The following TUNAR variants were observed in gnomAD, a reference collection of about 807,000 sequenced individuals.
TUNAR encodes protein TUNAR.
At chr14:95,900,510 C>G (rs564116390) in intron 2 of TUNAR, among the ~76,000 whole-genome samples, 3 of 152,306 alleles carry the variant, frequency 2.0e-5, no homozygotes, top group Admixed American at 1.3e-4. Context: ...GCTGCTGGCC[C>G]CAGTTGGTGG....
At chr14:95,885,866 G>A (rs1034721354) in intron 2 of TUNAR, among the ~76,000 whole-genome samples, 3 of 152,144 alleles carry the variant, frequency 2.0e-5, no homozygotes, top group African/African-American at 7.2e-5. Flanking sequence ...AATGAGCATG[G>A]TTGTCCCGGG....
intron 2 of TUNAR, among the ~76,000 whole-genome samples, chr14:95,881,769 A>G (rs549636674): frequency 6.6e-6 from 1 of 152,250 alleles, no homozygotes; most frequent in Non-Finnish European, 1.5e-5. Flanking sequence ...AGCATCCACC[A>G]TTCCCAGGAC....
chr14:95,925,570 T>A (rs954000048), exon 3 of TUNAR: 2 of 152,040 alleles, frequency 1.3e-5, no homozygotes, highest in African/African-American at 4.8e-5. Flanking sequence ...TGGAAAAAAA[T>A]ACTCGATGTC....
chr14:95,888,278 G>T (rs1330147883), intron 2 of TUNAR, among the ~76,000 whole-genome samples: 2 of 152,146 alleles, frequency 1.3e-5, no homozygotes, highest in Non-Finnish European at 2.9e-5. Flanking sequence ...CCTTTCCGTG[G>T]ACTCTTTCAC....
intron 2 of TUNAR, among the ~76,000 whole-genome samples, chr14:95,901,289 A>G (rs192856940): frequency 1.3e-5 from 2 of 152,354 alleles, no homozygotes; most frequent in South Asian, 2.1e-4. Context: ...ATCTGGTGAA[A>G]CTAGTAGAGA....
chr14:95,913,142 CT>C lies in TUNAR; in HGVS notation c.13-9624del, dbSNP rs58500125. 6.9e-3 allele frequency among the ~76,000 whole-genome samples: 939 copies of C among 136,234 alleles called. 4 individuals carry two copies. Among genetic ancestry groups the C allele is most frequent in the African/African-American group, 0.013 (458 of 34,828 alleles). 89.4% of individuals were successfully genotyped at this position (136,234 alleles called of 152,430 possible). On this transcript the variant is annotated intron_variant, in intron 2 of 2. Transcript: ENST00000678517. Reference sequence around the variant, plus strand: ...GTCTTTGTCACCATCATTTTCTTTCCTTTTTTTTTTTTTTTAAATTCTACTC... The same window carrying C: ...GTCTTTGTCACCATCATTTTCTTTCCTTTTTTTTTTTTTTAAATTCTACTC...
exon 1 of TUNAR, chr14:95,876,591 G>GGTCGCC (rs1888881916): frequency 6.6e-6 from 1 of 152,628 alleles, no homozygotes; most frequent in Non-Finnish European, 1.5e-5. Context: ...CTGCGGTCGC[G>GGTCGCC]GTCGCCGCTG....
At chr14:95,888,601 G>T (rs965398286) in intron 2 of TUNAR, among the ~76,000 whole-genome samples, 1 of 152,126 alleles carries the variant, frequency 6.6e-6, no homozygotes, top group African/African-American at 2.4e-5. Context: ...ACTCTCCATC[G>T]CTCTGTGGAC....
At chr14:95,896,384 ATGACC>A (rs1595119202) in intron 2 of TUNAR, among the ~76,000 whole-genome samples, 1 of 152,210 alleles carries the variant, frequency 6.6e-6, no homozygotes, top group Non-Finnish European at 1.5e-5. Flanking sequence ...GTGCACAGGC[ATGACC>A]CTGTACCCAC....
intron 2 of TUNAR, among the ~76,000 whole-genome samples, chr14:95,878,790 TGG>T (rs1888929382): frequency 1.3e-5 from 2 of 152,194 alleles, no homozygotes; most frequent in Non-Finnish European, 2.9e-5. Flanking sequence ...ATTGGGGTTG[TGG>T]GATAGGTTAG....
intron 2 of TUNAR, among the ~76,000 whole-genome samples, chr14:95,912,533 T>G (rs1478646517): frequency 6.6e-6 from 1 of 152,206 alleles, no homozygotes; most frequent in Non-Finnish European, 1.5e-5. Context: ...ATTGTTTGGT[T>G]AAAAAAGATA....
Position 95,911,671 on chromosome 14 carries a change from G to A in TUNAR, c.13-11110G>A, listed in dbSNP as rs80244610. ...CAAAATATGGAAATGTTCTCAAGAC[G>A]GAGAAACACTCAGAATTACAGTTGA... On this transcript the variant is annotated intron_variant, in intron 2 of 2. Coordinates refer to ENST00000678517, the Ensembl canonical transcript of TUNAR. 4.8e-3 allele frequency among the ~76,000 whole-genome samples: 729 copies of A among 152,292 alleles called. 5 individuals are homozygous for A. The highest frequency in any genetic ancestry group is 0.017 in the African/African-American group (686 of 41,574).
Position 95,895,474 on chromosome 14 carries a change from G to A in TUNAR, c.12+18297G>A, listed in dbSNP as rs1326286989. ...GTGCATGCATAGGAGGAAAGGGAGCGGAGAGTTGTCAAATGAGGCAAGCCA... is the reference window on the plus strand; with the variant it reads ...GTGCATGCATAGGAGGAAAGGGAGCAGAGAGTTGTCAAATGAGGCAAGCCA... On this transcript the variant is annotated intron_variant, in intron 2 of 2. Coordinates refer to ENST00000678517, the Ensembl canonical transcript of TUNAR. This position sits in a 1 kb window ranked among gnomAD's most constrained non-coding sequence, Gnocchi z 4.5. 2.0e-5 allele frequency among the ~76,000 whole-genome samples: 3 copies of A among 152,082 alleles called. No individual in the cohort carries two copies. Among genetic ancestry groups the A allele is most frequent in the African/African-American group, 7.2e-5 (3 of 41,414 alleles).
At chr14:95,890,047 C>T (rs577896321) in intron 2 of TUNAR, among the ~76,000 whole-genome samples, 1 of 151,854 alleles carries the variant, frequency 6.6e-6, no homozygotes, top group South Asian at 2.1e-4. Flanking sequence ...GTTGCCCAGG[C>T]TGGAAGGCAG....
chr14:95,889,527 T>C (rs979518258), intron 2 of TUNAR, among the ~76,000 whole-genome samples: 2 of 149,408 alleles, frequency 1.3e-5, no homozygotes, highest in African/African-American at 2.5e-5. Flanking sequence ...CTTAGCAGGC[T>C]GCTGTCCTCT....
intron 2 of TUNAR, among the ~76,000 whole-genome samples, chr14:95,888,912 G>C (rs984974594): frequency 6.6e-6 from 1 of 152,182 alleles, no homozygotes; most frequent in South Asian, 2.1e-4. Context: ...AAGGTAGACC[G>C]TTGCAAGGCA....
chr14:95,892,365 T>C (rs1484094714), intron 2 of TUNAR, among the ~76,000 whole-genome samples: 2 of 152,240 alleles, frequency 1.3e-5, no homozygotes, highest in Non-Finnish European at 2.9e-5. Flanking sequence ...TTCGCATCTG[T>C]CTGAGATGCT....
At chr14:95,878,825 A>C (rs536500151) in intron 2 of TUNAR, among the ~76,000 whole-genome samples, 23 of 152,330 alleles carry the variant, frequency 1.5e-4, no homozygotes, top group Non-Finnish European at 3.2e-4. Context: ...GAGAGATGAC[A>C]TTAGCTCCTA....
At chr14:95,877,294 C>T (rs916751931) in intron 2 of TUNAR, 117 bp downstream of exon 1, 1 of 152,328 alleles carries the variant, frequency 6.6e-6, no homozygotes, top group Non-Finnish European at 1.5e-5. Context: ...TCGGGGCTTC[C>T]GATTGAATCG....
Sources: gnomAD v4.1 joint callset for allele counts (sites outside exome capture counted in the v4.1 genomes callset) on GRCh38, gnomAD v4.1.1 for gene constraint, Gnocchi (gnomAD v3.1) non-coding constraint, MANE v1.5 for transcripts, NCBI Gene and HGNC (gene_info 2026-07-23, HGNC 2026-07-21) for gene names.